The following KRT8 variants were observed in gnomAD, a reference collection of about 807,000 sequenced individuals.
KRT8 encodes the protein keratin 8, also known as keratin, type II cytoskeletal 8.
A neutral mutation model predicts 43.0 loss-of-function variants in KRT8; 24 were observed. That is an observed-to-expected ratio of 0.56 (90% CI 0.40 to 0.78). The LOEUF is 0.78. Ranked by LOEUF, KRT8 falls within the 30% of genes least tolerant of loss-of-function variation. The pLI, the probability that KRT8 is intolerant of heterozygous loss-of-function variation, is 0.00. For synonymous variants in KRT8, 214 were observed against 261.2 expected, an observed-to-expected ratio of 0.82 and a Z score of 1.74; for missense variants, 492 against 638.4, an observed-to-expected ratio of 0.77 and a Z score of 2.47.
At chr12:52,927,366 C>T (rs1012309671) in intron 2 of KRT8, among the ~76,000 whole-genome samples, 3 of 152,186 alleles carry the variant, frequency 2.0e-5, no homozygotes, top group African/African-American at 7.2e-5. Context: ...ACTCACCACC[C>T]TTGGGCCTCC....
chr12:52,931,979 T>C (rs1942092526), intron 2 of KRT8, among the ~76,000 whole-genome samples: 1 of 151,886 alleles, frequency 6.6e-6, no homozygotes, highest in African/African-American at 2.4e-5. Flanking sequence ...TTATGTTTTG[T>C]AGAGACAGAG....
At chr12:52,928,072 A>AAAACAG (rs1170189280) in intron 2 of KRT8, among the ~76,000 whole-genome samples, 3 of 152,186 alleles carry the variant, frequency 2.0e-5, no homozygotes, top group Non-Finnish European at 2.9e-5. Flanking sequence ...AACAAAAACA[A>AAAACAG]AAACAGGGAG....
chr12:52,946,647 G>A (rs1942348464), intron 2 of KRT8: 1 of 152,148 alleles, frequency 6.6e-6, no homozygotes, highest in South Asian at 2.1e-4. Flanking sequence ...ATAAAATACT[G>A]CCCAACTTGA....
intron 2 of KRT8, among the ~76,000 whole-genome samples, chr12:52,927,430 G>A (rs966419234): frequency 6.6e-6 from 1 of 152,226 alleles, no homozygotes; most frequent in African/African-American, 2.4e-5. Flanking sequence ...TGTCCCTAGG[G>A]AGACACTTGG....
chr12:52,920,147 T>C (rs6580917), intron 2 of KRT8, among the ~76,000 whole-genome samples: 115,385 of 152,182 alleles, frequency 0.76, 44,709 homozygotes, highest in African/African-American at 0.92. Flanking sequence ...TTAAGAGATG[T>C]AATAATGTCA....
intron 2 of KRT8, chr12:52,948,492 TTC>T (rs1185287444): frequency 2.5e-5 from 3 of 120,378 alleles, no homozygotes; most frequent in East Asian, 2.2e-4. Flanking sequence ...AATTTCTTTT[TTC>T]TTTTTTTTTT....
At chr12:52,938,136 CTATATA>C (rs1161700326) in intron 2 of KRT8, among the ~76,000 whole-genome samples, 7 of 44,050 alleles carry the variant, frequency 1.6e-4, no homozygotes, top group South Asian at 1.5e-3. Flanking sequence ...CACTAGAAAG[CTATATA>C]TATATATATA....
At chr12:52,907,307 G>A (rs1565721112), upstream of KRT8, among the ~76,000 whole-genome samples, 1 of 152,208 alleles carries the variant, frequency 6.6e-6, no homozygotes, top group African/African-American at 2.4e-5. Flanking sequence ...ACTGGGCCCA[G>A]TGCCAAACCT....
chr12:52,926,544 G>C, intron 2 of KRT8: 1 of 1,249,818 alleles, frequency 8.0e-7, no homozygotes, highest in Non-Finnish European at 1.1e-6. Context: ...CTCCTATAGA[G>C]ACCCCAAGAA....
At chr12:52,944,916 C>T (rs1942321126) in intron 2 of KRT8, among the ~76,000 whole-genome samples, 1 of 152,182 alleles carries the variant, frequency 6.6e-6, no homozygotes, top group South Asian at 2.1e-4. Flanking sequence ...ACCCAGCTGC[C>T]ACCCGCATCC....
chr12:52,898,809 C>T, exon 6 of KRT8: 1 of 1,614,178 alleles, frequency 6.2e-7, no homozygotes, highest in Non-Finnish European at 8.5e-7. Flanking sequence ...TGCAGGGCGG[C>T]CTCCAGCTCG....
At chr12:52,904,854 C>T (rs764041785) in exon 1 of KRT8, 1 of 1,612,784 alleles carries the variant, frequency 6.2e-7, no homozygotes, top group East Asian at 2.2e-5. Context: ...AAAGTTGCTG[C>T]TGCCCACTCG....
chr12:52,908,139 G>A (rs1373507932), upstream of KRT8, among the ~76,000 whole-genome samples: 1 of 152,242 alleles, frequency 6.6e-6, no homozygotes, highest in African/African-American at 2.4e-5. Flanking sequence ...GAGACCCTGA[G>A]CAGTGGCATT....
rs556613623 is a variant in KRT8 at position 52,949,683 on chromosome 12, C to A, written c.-177+32G>T. The A allele has an allele frequency of 1.4e-3, 1,543 of 1,108,808 alleles. 9 individuals carry two copies. The highest frequency in any genetic ancestry group is 5.5e-3 in the South Asian group (430 of 78,082). The allele number at this position is 1,108,808 out of a possible 1,614,324, so 68.7% of individuals were successfully genotyped here. ...TTTCCGTCATTCCATAACCACCCAA[C>A]CCCTACTCCACCGGGAGGGGGTTGG... On this transcript the variant is annotated intron_variant, in intron 1 of 6. Coordinates refer to the KRT8 transcript ENST00000546826.
intron 4 of KRT8, among the ~76,000 whole-genome samples, 189 bp downstream of exon 4, chr12:52,900,399 T>C (rs1941337914): frequency 1.3e-5 from 2 of 152,170 alleles, no homozygotes; most frequent in African/African-American, 2.4e-5. Context: ...GACTCATCCC[T>C]CATGCGAGGG....
chr12:52,922,184 T>TAAAAAAAAAAAAAAAAAAAAAAA (rs57023136), intron 2 of KRT8, among the ~76,000 whole-genome samples: 1 of 38,674 alleles, frequency 2.6e-5, no homozygotes, highest in Admixed American at 3.7e-4. Context: ...ACCCTGTCTC[T>TAAAAAAAAAAAAAAAAAAAAAAA]AAAAAAAAAA....
intron 2 of KRT8, among the ~76,000 whole-genome samples, chr12:52,939,916 T>C (rs1254342013): frequency 6.6e-6 from 1 of 151,324 alleles, no homozygotes; most frequent in African/African-American, 2.4e-5. Context: ...CTGGGCAACA[T>C]ATTGAGACCC....
chr12:52,902,048 T>G (rs1274893384), exon 2 of KRT8: 1 of 1,602,402 alleles, frequency 6.2e-7, no homozygotes, highest in African/African-American at 1.3e-5. Context: ...TCCAGCATCT[T>G]GTTCTGCTGC....
In KRT8 at chr12:52,922,493, C is replaced by G. The variant is rs1031129733; in HGVS notation, c.-46-17466G>C. Among the ~76,000 whole-genome samples, 5 of 152,114 alleles carry G rather than the reference C, an allele frequency of 3.3e-5. No homozygotes were observed. The South Asian group carries it at 1.0e-3, about 32-fold the overall frequency. ...TTCAAGGCCAGCCTGGCCAACATGG[C>G]GAAACCCCGTCTCTACTGAAAATAC... On this transcript the variant is annotated intron_variant, in intron 2 of 6. Coordinates refer to the KRT8 transcript ENST00000546826.
Sources: gnomAD v4.1 joint callset for allele counts (sites outside exome capture counted in the v4.1 genomes callset) on GRCh38, gnomAD v4.1.1 for gene constraint, MANE v1.5 for transcripts, NCBI Gene and HGNC (gene_info 2026-07-23, HGNC 2026-07-21) for gene names.